Variants in PCCA observed in about 807,000 individuals in gnomAD.
The protein encoded by PCCA is propionyl-CoA carboxylase subunit alpha, also known as propionyl-CoA carboxylase alpha chain, mitochondrial.
A neutral mutation model predicts 101.3 loss-of-function variants in PCCA; 74 were observed. The observed-to-expected ratio is 0.73, with a 90% CI of 0.61 to 0.89. PCCA has a LOEUF of 0.89. Among genes scored for constraint, PCCA ranks in the 40% least tolerant of loss-of-function variants. The pLI is 0.00. For missense variants in PCCA, 891 were observed against 907.0 expected, an observed-to-expected ratio of 0.98 and a Z score of 0.23; for synonymous variants, 294 against 313.6, an observed-to-expected ratio of 0.94 and a Z score of 0.66.
chr13:100,417,254 C>T (rs550887987), intron 19 of PCCA, among the ~76,000 whole-genome samples: 69 of 152,294 alleles, frequency 4.5e-4, no homozygotes, highest in African/African-American at 1.4e-3. Context: ...ATGAACTGTA[C>T]CCACCAAAGC....
chr13:100,503,195 C>G (rs1424495868), intron 21 of PCCA, among the ~76,000 whole-genome samples: 2 of 152,332 alleles, frequency 1.3e-5, no homozygotes, highest in East Asian at 3.9e-4. Context: ...AATAATTTAC[C>G]TGAAGTTCTT....
At chr13:100,432,192 G>A (rs747689078) in intron 20 of PCCA, among the ~76,000 whole-genome samples, 31 of 152,032 alleles carry the variant, frequency 2.0e-4, no homozygotes, top group Non-Finnish European at 1.6e-4. Flanking sequence ...CAGATAACTC[G>A]TTATGCCAGC....
chr13:100,218,852 G>T (rs1009246773), intron 7 of PCCA, among the ~76,000 whole-genome samples: 1 of 152,088 alleles, frequency 6.6e-6, no homozygotes, highest in Non-Finnish European at 1.5e-5. Context: ...CTTTTTGCTG[G>T]CTTGATAAAG....
chr13:100,111,479 T>G (rs2048318491), intron 2 of PCCA, among the ~76,000 whole-genome samples: 1 of 152,246 alleles, frequency 6.6e-6, no homozygotes. Flanking sequence ...AGTCTTTTAG[T>G]GTCTGAAATA....
At chr13:100,206,195 C>T (rs1391883062) in intron 6 of PCCA, among the ~76,000 whole-genome samples, 1 of 152,186 alleles carries the variant, frequency 6.6e-6, no homozygotes, top group Non-Finnish European at 1.5e-5. Context: ...GTAACACCAG[C>T]AAATTCTAGG....
At chr13:100,274,747 C>G (rs1399939523) in intron 12 of PCCA, among the ~76,000 whole-genome samples, 3 of 152,088 alleles carry the variant, frequency 2.0e-5, no homozygotes, top group Non-Finnish European at 4.4e-5. Context: ...AGGACCCTTC[C>G]CATTTAGTAC....
chr13:100,251,687 C>T (rs961605692), intron 8 of PCCA, among the ~76,000 whole-genome samples: 1 of 152,152 alleles, frequency 6.6e-6, no homozygotes, highest in Non-Finnish European at 1.5e-5. Context: ...GAAAAAATGG[C>T]ATACTTTCTG....
chr13:100,151,058 T>A, intron 4 of PCCA: 1 of 1,556,534 alleles, frequency 6.4e-7, no homozygotes, highest in Non-Finnish European at 8.8e-7. Flanking sequence ...AGACTGCTGC[T>A]TTCTCCGTAG....
intron 4 of PCCA, among the ~76,000 whole-genome samples, chr13:100,139,554 T>A (rs2051610992): frequency 6.6e-6 from 1 of 152,098 alleles, no homozygotes; most frequent in Non-Finnish European, 1.5e-5. Context: ...TTATTGCATA[T>A]TTTAGTTTAA....
At chr13:100,216,069 T>A (rs2059489383) in intron 7 of PCCA, among the ~76,000 whole-genome samples, 1 of 151,718 alleles carries the variant, frequency 6.6e-6, no homozygotes, top group Non-Finnish European at 1.5e-5. Context: ...CCCTTCCCCT[T>A]CCCCTCCCCT....
At chr13:100,244,565 A>T (rs1251665220) in intron 8 of PCCA, among the ~76,000 whole-genome samples, 1 of 152,090 alleles carries the variant, frequency 6.6e-6, no homozygotes, top group Non-Finnish European at 1.5e-5. Flanking sequence ...GCTGTGCATA[A>T]CATTCAGGCA....
At chr13:100,422,977 A>G (rs758052027) in intron 19 of PCCA, among the ~76,000 whole-genome samples, 1 of 143,432 alleles carries the variant, frequency 7.0e-6, no homozygotes, top group South Asian at 2.2e-4. Context: ...TTCTTGTGTT[A>G]TATGCTACTA....
intron 12 of PCCA, among the ~76,000 whole-genome samples, chr13:100,287,601 A>C (rs1001532506): frequency 1.3e-5 from 2 of 152,126 alleles, no homozygotes; most frequent in African/African-American, 2.4e-5. Flanking sequence ...CTTATATTTA[A>C]TCCCGCTGTC....
Position 100,445,586 on chromosome 13 carries a change from C to A in PCCA, c.1846-3666C>A, listed in dbSNP as rs562910590. 1.4e-4 allele frequency among the ~76,000 whole-genome samples: 21 copies of A among 152,186 alleles called. No homozygotes were observed. In the South Asian group the frequency reaches 2.5e-3, roughly 18 times the overall value. On this transcript the variant is annotated intron_variant, in intron 20 of 23. Coordinates refer to ENST00000376285, the MANE Select transcript of PCCA (RefSeq NM_000282.4). ...TTTTGATTAATATTTCCTCAACACC[C>A]CCTCCCCAACCACCATTCTATTTTC... is the stretch of plus-strand genomic sequence containing the variant.
At chr13:100,294,192 T>G (rs1419222271) in intron 12 of PCCA, among the ~76,000 whole-genome samples, 1 of 152,170 alleles carries the variant, frequency 6.6e-6, no homozygotes, top group African/African-American at 2.4e-5. Flanking sequence ...GGTCCTGATC[T>G]TCTCTTATGA....
At chr13:100,456,855 C>T (rs4771364) in intron 21 of PCCA, among the ~76,000 whole-genome samples, 62,526 of 151,512 alleles carry the variant, frequency 0.41, 14,393 homozygotes, top group East Asian at 0.7. Context: ...GTTTAGGACT[C>T]CAGATGACTG....
chr13:100,400,526 TTGTGTCTATA>T (rs2077274911), intron 19 of PCCA, among the ~76,000 whole-genome samples: 1 of 152,110 alleles, frequency 6.6e-6, no homozygotes, highest in Admixed American at 6.5e-5. Flanking sequence ...GGGTGGGTCT[TTGTGTCTATA>T]TGTGACTATA....
chr13:100,130,820 A>G (rs1207534168), intron 4 of PCCA, among the ~76,000 whole-genome samples: 1 of 152,218 alleles, frequency 6.6e-6, no homozygotes, highest in Non-Finnish European at 1.5e-5. Flanking sequence ...GATGAAACTC[A>G]GCTGGGATGC....
intron 6 of PCCA, among the ~76,000 whole-genome samples, chr13:100,166,742 A>G (rs1420502454): frequency 6.6e-6 from 1 of 152,184 alleles, no homozygotes; most frequent in Admixed American, 6.5e-5. Context: ...ATGAACAAGT[A>G]GTTATGTGGG....
Sources: gnomAD v4.1 joint callset for allele counts (sites outside exome capture counted in the v4.1 genomes callset) on GRCh38, gnomAD v4.1.1 for gene constraint, MANE v1.5 for transcripts, NCBI Gene and HGNC (gene_info 2026-07-23, HGNC 2026-07-21) for gene names.